ZNF729: variants seen among roughly 807,000 people sequenced by gnomAD.
ZNF729 encodes the protein zinc finger protein 729.
In ZNF729, 15 loss-of-function variants were observed where a neutral mutation model predicts 12.2. That is an observed-to-expected ratio of 1.23 (90% CI 0.82 to 1.89). ZNF729 has a LOEUF of 1.89. ZNF729 is among the 40% of genes most tolerant of loss of function. The pLI, the probability that ZNF729 is intolerant of heterozygous loss-of-function variation, is 0.00. For synonymous variants in ZNF729, 492 were observed against 476.3 expected (o/e 1.03, Z -0.43); for missense variants, 1,540 against 1,456.7 (o/e 1.06, Z -0.93).
At chr19:22,303,344 A>C (rs1308460379) in intron 1 of ZNF729, among the ~76,000 whole-genome samples, 1 of 151,958 alleles carries the variant, frequency 6.6e-6, no homozygotes, top group African/African-American at 2.4e-5. Context: ...CTTCTAAAAT[A>C]AATATGCATA....
intron 2 of ZNF729, among the ~76,000 whole-genome samples, chr19:22,304,256 G>A (rs1209082084): frequency 1.3e-5 from 2 of 152,124 alleles, no homozygotes; most frequent in African/African-American, 4.8e-5. Context: ...GGCCAGGATG[G>A]TCTTGATCTG....
chr19:22,310,989 A>G (rs1380696253), intron 3 of ZNF729, among the ~76,000 whole-genome samples: 1 of 152,162 alleles, frequency 6.6e-6, no homozygotes, highest in African/African-American at 2.4e-5. Flanking sequence ...AAAGGTGTTC[A>G]TAGTAGCCTT....
intron 1 of ZNF729, among the ~76,000 whole-genome samples, chr19:22,302,576 G>A (rs1035976880): frequency 7.1e-6 from 1 of 140,706 alleles, no homozygotes; most frequent in African/African-American, 2.7e-5. Context: ...ATTGGGCACT[G>A]TCTAAAAAAA....
rs56180581 is a variant in ZNF729 at position 22,293,494 on chromosome 19, A to ATTTTT, written c.30+6952_30+6956dup. ...AGCCACCACTCCTAGCCTTTTGTCTATTTTTTTTTTTTTTTTTGAGACAGT... is the reference window on the plus strand; with the variant it reads ...AGCCACCACTCCTAGCCTTTTGTCTATTTTTTTTTTTTTTTTTTTTTTGAGACAGT... On this transcript the variant is annotated intron_variant, in intron 1 of 3. Coordinates refer to ENST00000601693, the MANE Select transcript of ZNF729 (RefSeq NM_001242680.2). 3.2e-4 allele frequency among the ~76,000 whole-genome samples: 31 copies of ATTTTT among 96,054 alleles called. 1 individual carries two copies. Among genetic ancestry groups the ATTTTT allele is most frequent in the African/African-American group, 1.3e-3 (30 of 23,642 alleles). The allele number at this position is 96,054 out of a possible 152,430, so 63.0% of individuals were successfully genotyped here.
chr19:22,307,509 C>T (rs1252169974), intron 3 of ZNF729, among the ~76,000 whole-genome samples: 3 of 151,150 alleles, frequency 2.0e-5, no homozygotes, highest in Admixed American at 2.0e-4. Flanking sequence ...TTCGGGAGGC[C>T]AAGGTGGGTG....
In ZNF729 at chr19:22,315,399, G is replaced by A. The variant is rs1968517770; in HGVS notation, c.1982G>A (p.Cys661Tyr). ...GAGAAACCTTACAAATGTGAAGAAT[G>A]TGGCAAAGCTTTTAGCCATTTCTCA... ...TGEKPYKCEE[C>Y]GKAFSHFSAL... Residue 661 changes from cysteine (C) to tyrosine (Y), a missense_variant, in exon 4 of 4, where the codon TGT becomes TAT. Physicochemically the swap from Cys to Tyr is radical, Grantham distance 194. Coordinates refer to ENST00000601693, the MANE Select transcript of ZNF729 (RefSeq NM_001242680.2). The A allele has an allele frequency of 2.5e-6, 4 of 1,613,376 alleles. No individual in the cohort carries two copies. In the Admixed American group the frequency reaches 6.7e-5, roughly 27 times the overall value.
At chr19:22,307,954 T>G (rs1345449123) in intron 3 of ZNF729, among the ~76,000 whole-genome samples, 4 of 151,984 alleles carry the variant, frequency 2.6e-5, no homozygotes, top group Non-Finnish European at 5.9e-5. Flanking sequence ...GGGAGTTTTA[T>G]GCACTCATCA....
intron 2 of ZNF729, among the ~76,000 whole-genome samples, 181 bp from the exon 3 acceptor site, chr19:22,304,506 TA>T (rs1381229942): frequency 1.3e-5 from 2 of 152,188 alleles, no homozygotes; most frequent in Non-Finnish European, 2.9e-5. Context: ...GATTCAGTAG[TA>T]CCAGGTAGTA....
At chr19:22,305,318 C>T (rs1196905837) in intron 3 of ZNF729, among the ~76,000 whole-genome samples, 4 of 152,126 alleles carry the variant, frequency 2.6e-5, no homozygotes, top group Non-Finnish European at 5.9e-5. Context: ...TATCTACTCT[C>T]AGATATTTTT....
At chr19:22,303,928 G>T in intron 2 of ZNF729, 44 bp downstream of exon 2, 1 of 1,493,018 alleles carries the variant, frequency 6.7e-7, no homozygotes, top group East Asian at 2.7e-5. Context: ...TATTCTATAG[G>T]TTTAATTTCT....
intron 1 of ZNF729, among the ~76,000 whole-genome samples, chr19:22,300,893 A>T (rs7245650): frequency 6.6e-6 from 1 of 151,930 alleles, no homozygotes; most frequent in Non-Finnish European, 1.5e-5. Flanking sequence ...ATCCATTCAG[A>T]ACCTAAAACT....
chr19:22,299,195 T>C (rs1407363893), intron 1 of ZNF729: 1 of 152,216 alleles, frequency 6.6e-6, no homozygotes, highest in Non-Finnish European at 1.5e-5. Flanking sequence ...ATTTTCTGGC[T>C]GACTTGATCA....
At chr19:22,309,710 G>T (rs1345657486) in intron 3 of ZNF729, among the ~76,000 whole-genome samples, 1 of 150,616 alleles carries the variant, frequency 6.6e-6, no homozygotes, top group Non-Finnish European at 1.5e-5. Context: ...TGTTCCACAT[G>T]AATTTTAGAA....
At chr19:22,305,146 C>T (rs1357743836) in intron 3 of ZNF729, among the ~76,000 whole-genome samples, 1 of 152,138 alleles carries the variant, frequency 6.6e-6, no homozygotes, top group Non-Finnish European at 1.5e-5. Flanking sequence ...TTACCTCACA[C>T]TTGCTCTGTC....
chr19:22,292,543 ATTC>A lies in ZNF729; in HGVS notation c.30+5993_30+5995del, dbSNP rs200977041. Among the ~76,000 whole-genome samples, 1,322 of 151,992 alleles carry A rather than the reference ATTC, an allele frequency of 8.7e-3. 16 individuals are homozygous for A. Among genetic ancestry groups the A allele is most frequent in the African/African-American group, 0.03 (1,228 of 41,348 alleles). On this transcript the variant is annotated intron_variant, in intron 1 of 3. Coordinates refer to ENST00000601693, the MANE Select transcript of ZNF729 (RefSeq NM_001242680.2). ...AGCCTCAACCTCCTGGGCTCAAGCA[ATTC>A]TTCTACCTCAGCCCCCAAGTAGCTG...
intron 3 of ZNF729, among the ~76,000 whole-genome samples, chr19:22,312,067 A>G (rs1180908655): frequency 6.6e-6 from 1 of 152,086 alleles, no homozygotes; most frequent in Non-Finnish European, 1.5e-5. Context: ...GTGAATAGCA[A>G]GCCATTTTCA....
At chr19:22,291,021 G>A (rs1413484931) in intron 1 of ZNF729, among the ~76,000 whole-genome samples, 2 of 152,134 alleles carry the variant, frequency 1.3e-5, no homozygotes, top group Non-Finnish European at 2.9e-5. Flanking sequence ...TGGGGTTTGT[G>A]ACTGGCATCT....
chr19:22,287,958 G>T (rs1318109912), intron 1 of ZNF729, among the ~76,000 whole-genome samples: 1 of 150,240 alleles, frequency 6.7e-6, no homozygotes, highest in Admixed American at 6.7e-5. Context: ...CAATTCTCCT[G>T]CCTCAACCTC....
At chr19:22,295,000 G>T (rs555813728) in intron 1 of ZNF729, among the ~76,000 whole-genome samples, 1 of 150,450 alleles carries the variant, frequency 6.6e-6, no homozygotes, top group East Asian at 2.0e-4. Flanking sequence ...TTGACATAGA[G>T]ATCTTTCACT....
Sources: gnomAD v4.1 joint callset for allele counts (sites outside exome capture counted in the v4.1 genomes callset) on GRCh38, gnomAD v4.1.1 for gene constraint, MANE v1.5 for transcripts, NCBI Gene and HGNC (gene_info 2026-07-23, HGNC 2026-07-21) for gene names.